Variants in VRK2 observed in about 807,000 individuals in gnomAD.
VRK2 encodes VRK serine/threonine kinase 2.
A neutral mutation model predicts 57.6 loss-of-function variants in VRK2; 60 were observed. The ratio of observed to expected loss-of-function variants is 1.04; its 90% confidence interval spans 0.85 to 1.29. VRK2 has a LOEUF of 1.29. Ranked by LOEUF, VRK2 falls within the 50% of genes most tolerant of loss-of-function variation. The pLI is 0.00. For synonymous variants in VRK2, 231 were observed against 199.2 expected (o/e 1.16, Z -1.35); for missense variants, 705 against 588.1 (o/e 1.20, Z -2.06).
At chr2:57,915,062 A>G (rs1167217400) in intron 1 of VRK2, among the ~76,000 whole-genome samples, 1 of 152,196 alleles carries the variant, frequency 6.6e-6, no homozygotes, top group Admixed American at 6.5e-5. Context: ...AATGAAATGT[A>G]CATAATATAT....
At chr2:57,947,654 G>C (rs1385188295) in intron 1 of VRK2, among the ~76,000 whole-genome samples, 1 of 152,112 alleles carries the variant, frequency 6.6e-6, no homozygotes, top group Non-Finnish European at 1.5e-5. Flanking sequence ...GCTCCTACCA[G>C]AGCAGGCAAC....
In VRK2 at chr2:58,018,541, G is replaced by A. The variant is rs560177405; in HGVS notation, c.-438-7124G>A. Among the ~76,000 whole-genome samples the A allele has an allele frequency of 5.3e-5, 8 of 152,196 alleles. No individual in the cohort carries two copies. In the South Asian group the frequency reaches 1.5e-3, roughly 28 times the overall value. On this transcript the variant is annotated intron_variant, in intron 1 of 15. Transcript: ENST00000417641. ...TTTTAAAATTTATAAATGTAATGTTGTAATATTGAATTATACCTTCTTTAA... is the reference window on the plus strand; with the variant it reads ...TTTTAAAATTTATAAATGTAATGTTATAATATTGAATTATACCTTCTTTAA...
intron 1 of VRK2, among the ~76,000 whole-genome samples, chr2:58,006,929 C>T (rs1220580425): frequency 6.6e-6 from 1 of 152,216 alleles, no homozygotes; most frequent in South Asian, 2.1e-4. Context: ...AGTTTACATA[C>T]AGATCCAGAA....
At chr2:58,134,107 C>T (rs1679616934) in intron 9 of VRK2, among the ~76,000 whole-genome samples, 1 of 152,104 alleles carries the variant, frequency 6.6e-6, no homozygotes, top group South Asian at 2.1e-4. Context: ...CTGACCTTCT[C>T]CTGCCCTCTT....
At chr2:58,119,019 G>A (rs1339307390) in intron 7 of VRK2, among the ~76,000 whole-genome samples, 1 of 152,086 alleles carries the variant, frequency 6.6e-6, no homozygotes, top group Non-Finnish European at 1.5e-5. Flanking sequence ...GTTAAGGCGG[G>A]GCAGGGCCTT....
At chr2:58,004,736 A>ATT (rs1486507977) in intron 1 of VRK2, among the ~76,000 whole-genome samples, 6 of 152,130 alleles carry the variant, frequency 3.9e-5, no homozygotes, top group African/African-American at 1.4e-4. Flanking sequence ...ATATGTGGTA[A>ATT]TTTTTCTCTA....
chr2:57,940,653 C>G (rs902600114), intron 1 of VRK2, among the ~76,000 whole-genome samples: 6 of 152,062 alleles, frequency 3.9e-5, no homozygotes. Flanking sequence ...TCCTTTCCTT[C>G]CTATATTATT....
At chr2:57,990,169 T>C (rs1374336859) in intron 1 of VRK2, among the ~76,000 whole-genome samples, 2 of 152,170 alleles carry the variant, frequency 1.3e-5, no homozygotes, top group Admixed American at 6.5e-5. Flanking sequence ...ATAACACAAA[T>C]GGCCAAAGAC....
At chr2:58,039,475 T>C (rs1345517509) in intron 3 of VRK2, among the ~76,000 whole-genome samples, 1 of 152,052 alleles carries the variant, frequency 6.6e-6, no homozygotes, top group African/African-American at 2.4e-5. Context: ...TCCTCTAGCC[T>C]TCTTAATTAT....
intron 1 of VRK2, among the ~76,000 whole-genome samples, chr2:58,020,434 G>GC (rs1427185956): frequency 6.6e-6 from 1 of 152,178 alleles, no homozygotes; most frequent in African/African-American, 2.4e-5. Flanking sequence ...TGAACTCCTG[G>GC]CCTCAAGCAG....
chr2:57,961,647 G>A (rs1057040717), intron 1 of VRK2, among the ~76,000 whole-genome samples: 2 of 112,232 alleles, frequency 1.8e-5, no homozygotes, highest in African/African-American at 7.3e-5. Flanking sequence ...TTATTACTCT[G>A]ATTAATCAAT....
chr2:58,104,863 C>T (rs1674516850), intron 7 of VRK2, among the ~76,000 whole-genome samples: 1 of 151,882 alleles, frequency 6.6e-6, no homozygotes, highest in African/African-American at 2.4e-5. Context: ...AAAATAGACA[C>T]ATAGATCAGT....
At chr2:58,110,423 GGGAATGAAGCAT>G (rs1299229810) in intron 7 of VRK2, among the ~76,000 whole-genome samples, 4 of 151,986 alleles carry the variant, frequency 2.6e-5, no homozygotes, top group Non-Finnish European at 4.4e-5. Context: ...ATGACAAAAA[GGGAATGAAGCAT>G]GGAATGAAGC....
At chr2:58,124,921 ATT>A (rs1403591604) in intron 8 of VRK2, among the ~76,000 whole-genome samples, 3 of 152,156 alleles carry the variant, frequency 2.0e-5, no homozygotes, top group African/African-American at 7.2e-5. Context: ...CAGTATTCAT[ATT>A]GTTAATAAAT....
At chr2:58,128,280 C>T (rs1175071881) in intron 8 of VRK2, among the ~76,000 whole-genome samples, 1 of 152,032 alleles carries the variant, frequency 6.6e-6, no homozygotes, top group Non-Finnish European at 1.5e-5. Context: ...TATGGAAGTC[C>T]TGTGTGTAAT....
Position 57,912,808 on chromosome 2 carries a change from A to G in VRK2, c.-439+4969A>G, listed in dbSNP as rs1670030863. Among the ~76,000 whole-genome samples the G allele has an allele frequency of 2.0e-5, 3 of 152,180 alleles. No individual in the cohort carries two copies. The South Asian group carries it at 6.2e-4, about 32-fold the overall frequency. On this transcript the variant is annotated intron_variant, in intron 1 of 15. Transcript: ENST00000417641. The stretch of plus-strand genomic sequence containing the variant: ...ACCCTTATGGGCTGTTATGGACTAA[A>G]TATTTGTATCCCGAGATTCATATAT...
intron 2 of VRK2, among the ~76,000 whole-genome samples, chr2:58,076,474 T>G (rs1223004303): frequency 6.6e-6 from 1 of 152,038 alleles, no homozygotes; most frequent in East Asian, 1.9e-4. Context: ...GAAGTATGAT[T>G]TCTACTGAAT....
chr2:58,046,654 C>G (rs1674783532), upstream of VRK2: 1 of 985,540 alleles, frequency 1.0e-6, no homozygotes, highest in East Asian at 1.1e-4. Flanking sequence ...GGACAGGCCG[C>G]TGAAAGGAAC....
intron 1 of VRK2, among the ~76,000 whole-genome samples, chr2:57,910,425 T>A (rs897336855): frequency 6.6e-6 from 1 of 152,190 alleles, no homozygotes; most frequent in African/African-American, 2.4e-5. Flanking sequence ...GACACTTTCA[T>A]ACCCCAGTCT....
Sources: allele counts gnomAD v4.1 joint callset (sites outside exome capture counted in the v4.1 genomes callset), GRCh38; gene constraint gnomAD v4.1.1; transcripts MANE v1.5; gene names NCBI Gene and HGNC (gene_info 2026-07-23, HGNC 2026-07-21).